The following ZNF418 variants were observed in gnomAD, a reference collection of about 807,000 sequenced individuals.
ZNF418 encodes zinc finger protein 418.
In ZNF418, 32 loss-of-function variants were observed where a neutral mutation model predicts 32.0. That is an observed-to-expected ratio of 1.00 (90% CI 0.75 to 1.34). ZNF418 has a LOEUF of 1.34. Among genes scored for constraint, ZNF418 ranks in the 40% most tolerant of loss-of-function variants. The pLI is 0.00. For missense variants in ZNF418, 804 were observed against 812.5 expected, an observed-to-expected ratio of 0.99 and a Z score of 0.13; for synonymous variants, 276 against 270.7, an observed-to-expected ratio of 1.02 and a Z score of -0.19.
rs564169012 is a variant in ZNF418, at chr19:57,925,964, G to C, written c.*186C>G. 23 of 582,116 alleles carry C rather than the reference G, an allele frequency of 4.0e-5. No homozygotes were observed. The South Asian group carries it at 4.2e-4, about 11-fold the overall frequency. The allele number at this position is 582,116 out of a possible 1,614,324, so 36.1% of individuals were successfully genotyped here. On this transcript the variant is annotated 3_prime_UTR_variant, in exon 4 of 6. Coordinates refer to ENST00000396147, the MANE Select transcript of ZNF418 (RefSeq NM_133460.3). The stretch of plus-strand genomic sequence containing the variant: ...GTTATCCAATGACAGAAGGCAGAAG[G>C]CTTTCTCACATTCATCGCACTCAAG...
chr19:57,933,301 C>T (rs1194632645), intron 2 of ZNF418, among the ~76,000 whole-genome samples: 2 of 152,204 alleles, frequency 1.3e-5, no homozygotes, highest in African/African-American at 2.4e-5. Flanking sequence ...AGTTACCGAC[C>T]GGGCTTGGTG....
chr19:57,934,044 A>G lies in ZNF418; in HGVS notation c.-80-142T>C, dbSNP rs1246041803. On this transcript the variant is annotated intron_variant, in intron 1 of 5. Transcript: ENST00000396147. ...AGTATGTTTACATGGGTTGACAGAA[A>G]TGGGAATACCTCCATACATCCTGTG... 4 of 1,457,612 alleles carry G rather than the reference A, an allele frequency of 2.7e-6. No individual in the cohort carries two copies. The African/African-American group carries it at 5.6e-5, about 21-fold the overall frequency. 90.3% of individuals were successfully genotyped at this position (1,457,612 alleles called of 1,614,324 possible). A position where few individuals can be genotyped will look rare whatever the true frequency, so the allele number is the denominator to read the frequency against.
intron 2 of ZNF418, among the ~76,000 whole-genome samples, chr19:57,931,295 A>G (rs2072479462): frequency 6.7e-6 from 1 of 149,810 alleles, no homozygotes. Context: ...TCCACCTCCC[A>G]GGTTCAAGCA....
In ZNF418 at chr19:57,926,217, G is replaced by A. The variant is rs369675638; in HGVS notation, c.1964C>T (p.Ser655Leu). Residue 655 changes from serine to leucine, a missense_variant, in exon 4 of 6, where the codon TCA becomes TTA. This residue lies in a region of ZNF418 where 475 missense variants were observed against 458.6 expected (regional missense o/e 1.04). Transcript: ENST00000396147. ...AAGGAGAGAAGAGCTTCGATGAAATGATTTTCCACATTCACTGCACTCATA... is the reference window on the plus strand; with the variant it reads ...AAGGAGAGAAGAGCTTCGATGAAATAATTTTCCACATTCACTGCACTCATA... Reference protein sequence around the residue: ...RPYECSECGKSFHRSSSLLRH... With the variant: ...RPYECSECGKLFHRSSSLLRH... The A allele has an allele frequency of 6.2e-7, 1 of 1,614,088 alleles. No homozygotes were observed.
In ZNF418 at chr19:57,926,158, A is replaced by T. The variant is rs1380182890; in HGVS notation, c.2023T>A (p.Tyr675Asn). 1 of 1,607,404 alleles carries T rather than the reference A, an allele frequency of 6.2e-7. No homozygotes were observed. The highest frequency in any genetic ancestry group is 8.5e-7 in the Non-Finnish European group (1 of 1,176,268). Reference protein sequence around the residue: ...HQRVHTERSPYK With the variant: ...HQRVHTERSPNK ...ATTTCCCAAATTTCTTTTCACTTGT[A>T]AGGACTTCTTTCTGTGTGAACTCTC... The change falls in exon 4 of 6, where the codon TAC becomes AAC. Residue 675 changes from tyrosine to asparagine, a missense_variant. This residue lies in a region of ZNF418 where 475 missense variants were observed against 458.6 expected (regional missense o/e 1.04). Transcript: ENST00000396147.
rs2072226098 is a variant in ZNF418 at position 57,926,416 on chromosome 19, T to C, written c.1765A>G (p.Arg589Gly). The change falls in exon 4 of 6, where the codon AGG becomes GGG. Residue 589 changes from arginine to glycine, a missense_variant. Around this residue, in one of 3 missense-constraint regions of ZNF418, gnomAD observed 475 missense variants for 458.6 expected, o/e 1.04. Coordinates refer to ENST00000396147, the MANE Select transcript of ZNF418 (RefSeq NM_133460.3). ...LEHRRVHTGERPYECRECGKT... is the reference protein window; with the variant it reads ...LEHRRVHTGEGPYECRECGKT... ...CCACATTCCCTGCATTCATAAGGCC[T>C]TTCTCCAGTGTGAACTCTCCTGTGT... 10 of 1,614,104 alleles carry C rather than the reference T, an allele frequency of 6.2e-6. 1 individual carries two copies. Among genetic ancestry groups the C allele is most frequent in the Admixed American group, 1.7e-5 (1 of 60,000 alleles).
chr19:57,925,532 C>T (rs923458013), intron 4 of ZNF418, 91 bp downstream of exon 4: 2 of 152,212 alleles, frequency 1.3e-5, no homozygotes, highest in Non-Finnish European at 2.9e-5. Flanking sequence ...TTCAAGCTGA[C>T]AGAAGACCCC....
chr19:57,935,014 G>A, intron 1 of ZNF418, 147 bp downstream of exon 1: 2 of 1,422,916 alleles, frequency 1.4e-6, no homozygotes, highest in Non-Finnish European at 9.3e-7. Flanking sequence ...CATCCCACAG[G>A]TGTCAGAAAC....
chr19:57,930,680 A>G, intron 2 of ZNF418, 126 bp from the exon 3 acceptor site: 1 of 1,388,248 alleles, frequency 7.2e-7, no homozygotes, highest in Admixed American at 2.1e-5. Flanking sequence ...AGGAGAAACT[A>G]GTCCACTGGT....
intron 2 of ZNF418, among the ~76,000 whole-genome samples, chr19:57,930,897 C>T (rs923495785): frequency 7.2e-5 from 11 of 152,166 alleles, no homozygotes; most frequent in East Asian, 3.9e-4. Flanking sequence ...CTGCCTCAGC[C>T]GCCCGAGTAG....
At chr19:57,929,239 C>A (rs1249258783) in intron 3 of ZNF418, among the ~76,000 whole-genome samples, 1 of 152,128 alleles carries the variant, frequency 6.6e-6, no homozygotes, top group African/African-American at 2.4e-5. Flanking sequence ...TGCCTACTGG[C>A]CACAAAAATA....
At chr19:57,923,509 C>CACATATAT (rs1032658978) in intron 4 of ZNF418, among the ~76,000 whole-genome samples, 5 of 149,078 alleles carry the variant, frequency 3.4e-5, no homozygotes, top group South Asian at 2.1e-4. Context: ...TATATACACA[C>CACATATAT]ACATATATAC....
chr19:57,926,566 C>CAT lies in ZNF418; in HGVS notation c.1613_1614dup (p.Glu539MetfsTer149), dbSNP rs770672131. 6.2e-7 allele frequency: 1 copy of CAT among 1,613,986 alleles called. No homozygotes were observed. Among genetic ancestry groups the CAT allele is most frequent in the African/African-American group, 1.3e-5 (1 of 74,904 alleles). ...AATGACTTTCCACATTCTCCACATT[C>CAT]ATAAGGCCTTTCTCCAGTATGAACT... On this transcript the variant is annotated frameshift_variant, in exon 4 of 6. Transcript: ENST00000396147. LOFTEE classifies it low-confidence loss of function (END_TRUNC).
chr19:57,926,521 G>C lies in ZNF418; in HGVS notation c.1660C>G (p.Leu554Val). The C allele has an allele frequency of 6.2e-7, 1 of 1,613,758 alleles. No homozygotes were observed. The highest frequency in any genetic ancestry group is 8.5e-7 in the Non-Finnish European group (1 of 1,179,960). ...GCAGTGTGAGTTTTCTGATGTCGAA[G>C]GAGGGAAGAGCTCTGATGAAATGAC... ...GKSFHQSSSL[L>V]RHQKTHTAER... Residue 554 changes from leucine to valine, a missense_variant, in exon 4 of 6, where the codon CTT (leucine) becomes GTT (valine). Coordinates refer to ENST00000396147, the MANE Select transcript of ZNF418 (RefSeq NM_133460.3).
chr19:57,926,343 T>C lies in ZNF418; in HGVS notation c.1838A>G (p.His613Arg), dbSNP rs1282581812. 5 of 1,611,762 alleles carry C rather than the reference T, an allele frequency of 3.1e-6. No homozygotes were observed. The Admixed American group carries it at 5.0e-5, about 16-fold the overall frequency. ...RSAHFKHQRL[H>R]TRGKPYECSE... ...GCACTCGTAAGGCTTTCCTCGAGTA[T>C]GAAGTCTCTGATGTTTAAAATGCGC... The change falls in exon 4 of 6, where the codon CAT (histidine) becomes CGT (arginine). Residue 613 changes from histidine to arginine, a missense_variant. Physicochemically the swap from His to Arg is conservative, Grantham distance 29 (BLOSUM62 0). Coordinates refer to ENST00000396147, the MANE Select transcript of ZNF418 (RefSeq NM_133460.3).
rs2072449875 is a variant in ZNF418 at position 57,930,679 on chromosome 19, T to C, written c.7-125A>G. On this transcript the variant is annotated intron_variant, in intron 2 of 5. Coordinates refer to ENST00000396147, the MANE Select transcript of ZNF418 (RefSeq NM_133460.3). ...AAGATCCTCAGCACAGAGGAGAAAC[T>C]AGTCCACTGGTGCCTTTGTCTCTTC... is the stretch of plus-strand genomic sequence containing the variant. The C allele has an allele frequency of 5.2e-5, 72 of 1,393,102 alleles. No homozygotes were observed. In the South Asian group the frequency reaches 8.9e-4, roughly 17 times the overall value. 86.3% of individuals were successfully genotyped at this position (1,393,102 alleles called of 1,614,324 possible). A position where few individuals can be genotyped will look rare whatever the true frequency, so the allele number is the denominator to read the frequency against.
rs1014854888 is a variant in ZNF418, at chr19:57,935,309, G to A, written c.-229C>T. The A allele has an allele frequency of 1.1e-6, 1 of 942,604 alleles. No individual in the cohort carries two copies. The highest frequency in any genetic ancestry group is 1.3e-6 in the Non-Finnish European group (1 of 762,904). 58.4% of individuals were successfully genotyped at this position (942,604 alleles called of 1,614,324 possible). A position where few individuals can be genotyped will look rare whatever the true frequency, so the allele number is the denominator to read the frequency against. ...CTTCTGGGTTCAGACACCGCGGTTC[G>A]GACCCATAGCTCCAGCGCCTCTCAC... On this transcript the variant is annotated 5_prime_UTR_variant, in exon 1 of 6. Transcript: ENST00000396147.
chr19:57,927,196 G>A lies in ZNF418; in HGVS notation c.985C>T (p.Leu329Phe). The A allele has an allele frequency of 1.9e-6, 3 of 1,613,674 alleles. No individual in the cohort carries two copies. The highest frequency in any genetic ancestry group is 2.2e-5 in the East Asian group (1 of 44,860). Residue 329 changes from leucine to phenylalanine, a missense_variant, in exon 4 of 6, where the codon CTC becomes TTC. Physicochemically the swap from Leu to Phe is conservative, Grantham distance 22. Coordinates refer to ENST00000396147, the MANE Select transcript of ZNF418 (RefSeq NM_133460.3). Reference protein sequence around the residue: ...CGKSFSQNGTLIKHQRVHTGE... With the variant: ...CGKSFSQNGTFIKHQRVHTGE... ...GTGTGAACTCGTTGATGTTTAATGAGAGTACCATTTTGACTAAAAGATTTC... is the reference window on the plus strand; with the variant it reads ...GTGTGAACTCGTTGATGTTTAATGAAAGTACCATTTTGACTAAAAGATTTC...
At chr19:57,929,758 C>T (rs1201672274) in intron 3 of ZNF418, among the ~76,000 whole-genome samples, 5 of 151,766 alleles carry the variant, frequency 3.3e-5, no homozygotes, top group Non-Finnish European at 7.4e-5. Context: ...TCTCAGCTCA[C>T]TGCAAGCTCC....
Sources: allele counts gnomAD v4.1 joint callset (sites outside exome capture counted in the v4.1 genomes callset), GRCh38; gene constraint gnomAD v4.1.1; regional missense constraint gnomAD v4.1.1; transcripts MANE v1.5; gene names NCBI Gene and HGNC (gene_info 2026-07-23, HGNC 2026-07-21).